Variants in PKP4 observed in about 807,000 individuals in gnomAD.
The protein encoded by PKP4 is plakophilin-4.
A neutral mutation model predicts 145.1 loss-of-function variants in PKP4; 90 were observed. The ratio of observed to expected loss-of-function variants is 0.62; its 90% CI spans 0.52 to 0.74. The LOEUF (loss-of-function observed/expected upper bound fraction) is 0.74, where lower values mean the gene tolerates loss of function less well. PKP4 is among the 30% of genes least tolerant of loss of function. The probability of loss-of-function intolerance (pLI) is 0.00; values close to 1 mark genes in which losing one functional copy is unlikely to be tolerated. For synonymous variants in PKP4, 563 were observed against 577.2 expected, an observed-to-expected ratio of 0.98 and a Z score of 0.35; for missense variants, 1,340 against 1,482.7, an observed-to-expected ratio of 0.90 and a Z score of 1.58.
chr2:158,629,359 A>G (rs2053136404), intron 7 of PKP4, among the ~76,000 whole-genome samples: 1 of 152,184 alleles, frequency 6.6e-6, no homozygotes, highest in African/African-American at 2.4e-5. Flanking sequence ...CTTTCCTGTC[A>G]GCTCGGCAAG....
At chr2:158,513,270 T>C (rs1024098690) in intron 1 of PKP4, among the ~76,000 whole-genome samples, 5 of 152,154 alleles carry the variant, frequency 3.3e-5, no homozygotes, top group African/African-American at 1.2e-4. Context: ...TTTATTGATT[T>C]TTCTGATTTT....
intron 4 of PKP4, among the ~76,000 whole-genome samples, chr2:158,613,973 C>G (rs17493685): frequency 0.011 from 1,617 of 152,284 alleles, 17 homozygotes; most frequent in Non-Finnish European, 0.016. Flanking sequence ...GTGCCCCTTT[C>G]TAAATTGAGG....
chr2:158,670,281 T>C lies in PKP4; in HGVS notation c.2924+366T>C, dbSNP rs2057444537. Among the ~76,000 whole-genome samples, 4 of 152,126 alleles carry C rather than the reference T, an allele frequency of 2.6e-5. No homozygotes were observed. In the East Asian group the frequency reaches 5.8e-4, roughly 22 times the overall value. On this transcript the variant is annotated intron_variant, in intron 17 of 21. Coordinates refer to ENST00000389759, the MANE Select transcript of PKP4 (RefSeq NM_003628.6). Reference sequence around the variant, plus strand: ...AATCCAAGATCAGGGCACCAACAGATTTGGTGTCTGGTGAGGGCCCCGATT... The same window carrying C: ...AATCCAAGATCAGGGCACCAACAGACTTGGTGTCTGGTGAGGGCCCCGATT...
intron 16 of PKP4, among the ~76,000 whole-genome samples, chr2:158,668,813 C>G (rs2057335853): frequency 6.6e-6 from 1 of 152,216 alleles, no homozygotes; most frequent in Admixed American, 6.5e-5. Flanking sequence ...CTGCTTACCA[C>G]TGTAAATAAA....
chr2:158,482,838 AAAG>A (rs1693565934), intron 1 of PKP4, among the ~76,000 whole-genome samples: 1 of 151,998 alleles, frequency 6.6e-6, no homozygotes, highest in Non-Finnish European at 1.5e-5. Flanking sequence ...AAAAAAAAAA[AAAG>A]AGGGGGGAAG....
chr2:158,589,821 G>A (rs1390040186), intron 3 of PKP4, among the ~76,000 whole-genome samples: 1 of 152,090 alleles, frequency 6.6e-6, no homozygotes, highest in African/African-American at 2.4e-5. Flanking sequence ...TATGTGTGAT[G>A]TTTCCTTAAC....
At chr2:158,484,720 C>T (rs953689218) in intron 1 of PKP4, among the ~76,000 whole-genome samples, 5 of 152,162 alleles carry the variant, frequency 3.3e-5, no homozygotes, top group African/African-American at 1.2e-4. Flanking sequence ...AGTGGATTAT[C>T]TTCGCTTATA....
At chr2:158,578,189 C>CA (rs1222943779) in intron 3 of PKP4, 7 of 244,448 alleles carry the variant, frequency 2.9e-5, no homozygotes, top group Admixed American at 1.1e-4. Flanking sequence ...TACTCATGGG[C>CA]AAAAAAACTT....
rs3755403 is a variant in PKP4, at chr2:158,555,631, G to A, written c.133-21640G>A. On this transcript the variant is annotated intron_variant, in intron 2 of 21. Coordinates refer to ENST00000389759, the MANE Select transcript of PKP4 (RefSeq NM_003628.6). Reference sequence around the variant, plus strand: ...TTTGTTAAATGTCTTGTATTTGGATGTGAAGATGGATGGTAATAGTACTTC... The same window carrying A: ...TTTGTTAAATGTCTTGTATTTGGATATGAAGATGGATGGTAATAGTACTTC... 3.1e-3 allele frequency among the ~76,000 whole-genome samples: 469 copies of A among 152,350 alleles called. 9 individuals carry two copies. In the East Asian group the frequency reaches 0.057, roughly 19 times the overall value.
chr2:158,617,275 A>G (rs1285486975), intron 4 of PKP4, among the ~76,000 whole-genome samples: 2 of 152,198 alleles, frequency 1.3e-5, no homozygotes, highest in East Asian at 3.9e-4. Context: ...TTGATGTTTG[A>G]AAGTTCCCCA....
rs756104157 is a variant in PKP4, at chr2:158,663,393, C to T, written c.2525C>T (p.Thr842Ile). Residue 842 changes from threonine (T) to isoleucine (I), a missense_variant, in exon 15 of 22, where the codon ACC becomes ATC. Coordinates refer to ENST00000389759, the MANE Select transcript of PKP4 (RefSeq NM_003628.6). Reference protein sequence around the residue: ...TLLAESSNPATLEGSAGSLQN... With the variant: ...TLLAESSNPAILEGSAGSLQN... ...CTAGCAGAAAGTTCCAACCCAGCCA[C>T]CTTGGAAGGCTCTGCAGGGTCTCTC... 8 of 1,614,140 alleles carry T rather than the reference C, an allele frequency of 5.0e-6. No individual in the cohort carries two copies. Among genetic ancestry groups the T allele is most frequent in the Non-Finnish European group, 5.9e-6 (7 of 1,180,000 alleles).
chr2:158,526,038 C>T (rs1470731072), intron 1 of PKP4, among the ~76,000 whole-genome samples: 6 of 151,590 alleles, frequency 4.0e-5, no homozygotes, highest in East Asian at 2.0e-4. Flanking sequence ...GATTCACAGC[C>T]GAATTCTACC....
intron 3 of PKP4, among the ~76,000 whole-genome samples, chr2:158,578,503 C>T (rs1020221429): frequency 1.5e-5 from 1 of 67,704 alleles, no homozygotes; most frequent in Non-Finnish European, 4.3e-5. Flanking sequence ...TGAAATAATT[C>T]GTTAAGTTAA....
At chr2:158,552,766 T>C (rs1174598887) in intron 2 of PKP4, among the ~76,000 whole-genome samples, 1 of 152,222 alleles carries the variant, frequency 6.6e-6, no homozygotes, top group Non-Finnish European at 1.5e-5. Flanking sequence ...CACTATACTG[T>C]AGTCTATTAC....
intron 2 of PKP4, among the ~76,000 whole-genome samples, chr2:158,562,634 A>C (rs1195130346): frequency 1.3e-5 from 2 of 152,232 alleles, no homozygotes; most frequent in Non-Finnish European, 2.9e-5. Flanking sequence ...TTGTTAGCAT[A>C]TATTTTGTCA....
intron 1 of PKP4, among the ~76,000 whole-genome samples, chr2:158,521,837 A>AT (rs1000193305): frequency 3.2e-4 from 48 of 152,122 alleles, no homozygotes; most frequent in African/African-American, 1.2e-3. Flanking sequence ...ACTCCTAGCA[A>AT]TTTTTTCTAC....
intron 3 of PKP4, among the ~76,000 whole-genome samples, chr2:158,601,862 A>C (rs929640882): frequency 2.6e-5 from 4 of 152,178 alleles, no homozygotes; most frequent in African/African-American, 9.7e-5. Flanking sequence ...CAAGGGGGTA[A>C]TAAGAACTTA....
intron 1 of PKP4, among the ~76,000 whole-genome samples, chr2:158,496,984 A>T (rs1005138536): frequency 6.6e-6 from 1 of 152,178 alleles, no homozygotes; most frequent in South Asian, 2.1e-4. Context: ...AGTCCCACTA[A>T]CAGATTTTTT....
chr2:158,522,723 G>A (rs1322632502), intron 1 of PKP4, among the ~76,000 whole-genome samples: 1 of 152,228 alleles, frequency 6.6e-6, no homozygotes, highest in Non-Finnish European at 1.5e-5. Context: ...GAGGTACCGG[G>A]TTCATCTCAC....
Sources: gnomAD v4.1 joint callset for allele counts (sites outside exome capture counted in the v4.1 genomes callset) on GRCh38, gnomAD v4.1.1 for gene constraint, MANE v1.5 for transcripts, NCBI Gene and HGNC (gene_info 2026-07-23, HGNC 2026-07-21) for gene names.